Variants in CFAP65 observed in about 807,000 individuals in gnomAD.
CFAP65 encodes cilia- and flagella-associated protein 65.
A neutral mutation model predicts 208.0 loss-of-function variants in CFAP65; 155 were observed. The observed-to-expected ratio is 0.75, with a 90% CI of 0.65 to 0.85. The LOEUF is 0.85. Ranked by LOEUF, CFAP65 falls within the 40% of genes least tolerant of loss-of-function variation. The pLI, the probability that CFAP65 is intolerant of heterozygous loss-of-function variation, is 0.00. For missense variants in CFAP65, 2,294 were observed against 2,451.3 expected, an observed-to-expected ratio of 0.94 and a Z score of 1.36; for synonymous variants, 970 against 986.3, an observed-to-expected ratio of 0.98 and a Z score of 0.31.
rs753382094 is a variant in CFAP65 at position 219,038,607 on chromosome 2, C to T, written c.154-29G>A. The T allele has an allele frequency of 5.1e-6, 8 of 1,583,052 alleles. No homozygotes were observed. In the East Asian group the frequency reaches 1.8e-4, roughly 36 times the overall value. On this transcript the variant is annotated intron_variant, in intron 3 of 34. Coordinates refer to ENST00000341552, the MANE Select transcript of CFAP65 (RefSeq NM_194302.4). The stretch of plus-strand genomic sequence containing the variant: ...GGAAGAGAGCAGAGGGGAGAGGAGA[C>T]AGGAGTGACATGAGAAAGAGAGGCT...
chr2:219,041,389 T>C (rs1419240718), intron 1 of CFAP65, 99 bp downstream of exon 1: 1 of 1,360,432 alleles, frequency 7.4e-7, no homozygotes, highest in Admixed American at 2.0e-5. Context: ...CTGGCCACGA[T>C]TTCCCGAAGG....
rs73993392 is a variant in CFAP65, at chr2:219,005,904, C to T, written c.4922+117G>A. On this transcript the variant is annotated intron_variant, in intron 31 of 34. Coordinates refer to ENST00000341552, the MANE Select transcript of CFAP65 (RefSeq NM_194302.4). The stretch of plus-strand genomic sequence containing the variant: ...GCCCAGAGGCGCTCAATGAGCCCCA[C>T]TGCTGCTGCCCATGCTCCACCCCTC... The T allele has an allele frequency of 4.6e-3, 4,927 of 1,068,024 alleles. 162 individuals are homozygous for T. In the African/African-American group the frequency reaches 0.068, roughly 15 times the overall value. The allele number at this position is 1,068,024 out of a possible 1,614,324, so 66.2% of individuals were successfully genotyped here.
At chr2:219,037,502 G>A (rs998067306) in intron 4 of CFAP65, among the ~76,000 whole-genome samples, 2 of 152,230 alleles carry the variant, frequency 1.3e-5, no homozygotes, top group Non-Finnish European at 2.9e-5. Flanking sequence ...CCGCACCTAG[G>A]TTAGAAGTGG....
chr2:219,040,977 C>A (rs77354692), intron 1 of CFAP65, among the ~76,000 whole-genome samples: 1 of 151,874 alleles, frequency 6.6e-6, no homozygotes, highest in Non-Finnish European at 1.5e-5. Flanking sequence ...TAAACAAACA[C>A]GTTATAGTAA....
intron 13 of CFAP65, chr2:219,027,299 G>A (rs2106206199): frequency 7.0e-7 from 1 of 1,430,028 alleles, no homozygotes; most frequent in Non-Finnish European, 9.1e-7. Context: ...CTCCTTTAGA[G>A]TGACCACTTC....
chr2:219,009,863 G>A, intron 27 of CFAP65, 79 bp downstream of exon 27: 2 of 1,338,368 alleles, frequency 1.5e-6, no homozygotes, highest in South Asian at 1.5e-5. Context: ...GATGGAGTGG[G>A]GTGGTATGGG....
At chr2:219,006,976 A>G (rs1186119908) in intron 29 of CFAP65, among the ~76,000 whole-genome samples, 1 of 152,106 alleles carries the variant, frequency 6.6e-6, no homozygotes, top group East Asian at 1.9e-4. Context: ...GCAGACCAGG[A>G]AATTCTGGTT....
At chr2:219,015,108 C>CGGGCCTGG in intron 21 of CFAP65, 1 of 150,974 alleles carries the variant, frequency 6.6e-6, no homozygotes. Flanking sequence ...GCGTGCAACA[C>CGGGCCTGG]ACACCTGAGG....
intron 1 of CFAP65, among the ~76,000 whole-genome samples, chr2:219,041,143 A>T (rs986521174): frequency 6.6e-6 from 1 of 152,226 alleles, no homozygotes; most frequent in African/African-American, 2.4e-5. Context: ...GACTTTAAAA[A>T]ATATATATCA....
Position 219,002,952 on chromosome 2 carries a change from A to G in CFAP65, c.5763T>C (p.Pro1921=), listed in dbSNP as rs143844742. ...AEVLHPVVPL[P]TDLP ...GCGCGGGCATTTACGGAAGGTCGGT[A>G]GGAAGTGGCACCACCGGGTGGAGTA... The change falls in exon 35 of 35, where the codon CCT becomes CCC. Residue 1921 remains proline (P), a synonymous_variant. Coordinates refer to ENST00000341552, the MANE Select transcript of CFAP65 (RefSeq NM_194302.4). The surrounding 1 kb of genome is among the most constrained non-coding windows in gnomAD (Gnocchi z 7.9). 3,982 of 1,566,706 alleles carry G rather than the reference A, an allele frequency of 2.5e-3. 6 individuals carry two copies. Among genetic ancestry groups the G allele is most frequent in the Non-Finnish European group, 3.0e-3 (3,489 of 1,155,516 alleles).
At chr2:219,030,321 C>T in intron 9 of CFAP65, 113 bp from the exon 10 acceptor site, 1 of 1,106,290 alleles carries the variant, frequency 9.0e-7, no homozygotes, top group Non-Finnish European at 1.3e-6. Context: ...GGGCAGCTGG[C>T]ATCCAGCCTG....
chr2:219,020,782 C>A (rs916287590), intron 19 of CFAP65, among the ~76,000 whole-genome samples: 1 of 152,238 alleles, frequency 6.6e-6, no homozygotes, highest in African/African-American at 2.4e-5. Flanking sequence ...GAGCCTCTGG[C>A]CCCAGTCCAC....
At chr2:219,015,748 A>C (rs1370801783) in intron 21 of CFAP65, 1 of 152,096 alleles carries the variant, frequency 6.6e-6, no homozygotes, top group African/African-American at 2.4e-5. Flanking sequence ...GTCTATCACC[A>C]CTTTCTTTGT....
At chr2:219,041,526 G>A (rs757325589), upstream of CFAP65, 166 of 1,550,488 alleles carry the variant, frequency 1.1e-4, no homozygotes, top group Middle Eastern at 8.3e-4. Flanking sequence ...TACAGGACGC[G>A]CAGGAAACGG....
intron 21 of CFAP65, 42 bp from the exon 22 acceptor site, chr2:219,014,086 C>A: frequency 6.5e-7 from 1 of 1,545,324 alleles, no homozygotes; most frequent in Non-Finnish European, 8.8e-7. Flanking sequence ...ACTGGTCAGG[C>A]AGAACAGAGA....
chr2:219,035,320 A>G, intron 5 of CFAP65, 160 bp downstream of exon 5: 1 of 1,543,996 alleles, frequency 6.5e-7, no homozygotes, highest in South Asian at 1.2e-5. Context: ...ATAATGGATT[A>G]TAGCTGCATA....
intron 13 of CFAP65, chr2:219,027,030 A>G (rs1248275706): frequency 1.0e-6 from 1 of 1,000,414 alleles, no homozygotes; most frequent in African/African-American, 1.7e-5. Context: ...TCTTGACCGC[A>G]CAGCCCTACT....
rs377726878 is a variant in CFAP65 at position 219,010,543 on chromosome 2, C to G, written c.4308+3G>C. 3 of 1,607,232 alleles carry G rather than the reference C, an allele frequency of 1.9e-6. No individual in the cohort carries two copies. Among genetic ancestry groups the G allele is most frequent in the Non-Finnish European group, 2.5e-6 (3 of 1,178,468 alleles). ...CAGGCCTTCCTAGCTCCCCTTTCCC[C>G]ACCTGTCCAGGCACCACCAGCCTAG... On this transcript the variant is annotated splice_donor_region_variant and intron_variant, in intron 26 of 34. Coordinates refer to ENST00000341552, the MANE Select transcript of CFAP65 (RefSeq NM_194302.4).
chr2:219,004,143 C>A lies in CFAP65; in HGVS notation c.5364G>T (p.Glu1788Asp), dbSNP rs941565550. The stretch of plus-strand genomic sequence containing the variant: ...CCTCTATCTCCTCCTTGCCCAACTC[C>A]TCCTCTTCTGTCTCCTCTTCTTCCT... ...EEEEEEETEE[E>D]ELGKEEIEEK... Residue 1788 changes from glutamate (E) to aspartate (D), a missense_variant, in exon 33 of 35, where the codon GAG (glutamate) becomes GAT (aspartate). Glu to Asp is a conservative substitution (Grantham distance 45). This residue lies in a region of CFAP65 where 1,427 missense variants were observed against 1,438.7 expected (regional missense o/e 0.99). Transcript: ENST00000341552. The surrounding 1 kb of genome is among the most constrained non-coding windows in gnomAD (Gnocchi z 4.7). 1 of 1,613,924 alleles carries A rather than the reference C, an allele frequency of 6.2e-7. No homozygotes were observed. Among genetic ancestry groups the A allele is most frequent in the Admixed American group, 1.7e-5 (1 of 60,000 alleles).
Sources: allele counts gnomAD v4.1 joint callset (sites outside exome capture counted in the v4.1 genomes callset), GRCh38; gene constraint gnomAD v4.1.1; regional missense constraint gnomAD v4.1.1; non-coding constraint Gnocchi (gnomAD v3.1); transcripts MANE v1.5; gene names NCBI Gene and HGNC (gene_info 2026-07-23, HGNC 2026-07-21).